Variants in TRPC5OS observed in about 807,000 individuals in gnomAD.
TRPC5OS encodes putative uncharacterized protein TRPC5OS.
For synonymous variants in TRPC5OS, 30 were observed against 29.3 expected (o/e 1.02, Z -0.08); for missense variants, 64 against 79.3 (o/e 0.81, Z 0.73).
chrX:111,891,965 T>C (rs115392837), intron 1 of TRPC5OS, among the ~76,000 whole-genome samples: 18,206 of 112,024 alleles, frequency 0.16, 2,626 homozygotes, highest in African/African-American at 0.47. Flanking sequence ...AATGTTATTT[T>C]GAAATCATTA....
At chrX:111,901,268 C>T (rs1925329210) in intron 3 of TRPC5OS, among the ~76,000 whole-genome samples, 1 of 111,193 alleles carries the variant, frequency 9.0e-6, no homozygotes. Flanking sequence ...TGAGTGTATC[C>T]TTCCTCAAAA....
intron 1 of TRPC5OS, among the ~76,000 whole-genome samples, chrX:111,879,612 G>A (rs1200971433): frequency 8.9e-6 from 1 of 112,698 alleles, no homozygotes; most frequent in African/African-American, 3.2e-5. Flanking sequence ...AATCGAGGTT[G>A]TGCAAGGCAT....
Position 111,901,631 on chromosome X carries a change from A to C in TRPC5OS, c.-219A>C, listed in dbSNP as rs951703776. The C allele has an allele frequency of 2.5e-5, 8 of 317,245 alleles. No individual in the cohort carries two copies. The highest frequency in any genetic ancestry group is 3.8e-5 in the Non-Finnish European group (7 of 183,850). 26.1% of individuals were successfully genotyped at this position (317,245 alleles called of 1,213,427 possible). A position where few individuals can be genotyped will look rare whatever the true frequency, so the allele number is the denominator to read the frequency against. ...ATTAGTACAAACAAGAGTACCATAC[A>C]TAAATTCTGTGCGCGGTTTACCAAC... On this transcript the variant is annotated 5_prime_UTR_variant, in exon 4 of 4. Coordinates refer to ENST00000635763, the MANE Select transcript of TRPC5OS (RefSeq NM_001195578.2).
chrX:111,882,984 G>A (rs183036306), intron 1 of TRPC5OS, among the ~76,000 whole-genome samples: 1 of 109,984 alleles, frequency 9.1e-6, no homozygotes, highest in African/African-American at 3.3e-5. Flanking sequence ...TACTCAGGAG[G>A]CTGAGGCAGG....
chrX:111,887,937 G>A (rs1000785638), intron 1 of TRPC5OS, among the ~76,000 whole-genome samples: 9 of 111,807 alleles, frequency 8.0e-5, no homozygotes, highest in East Asian at 2.8e-4. Context: ...AAAGTGATAC[G>A]TTTCTAAGAA....
intron 1 of TRPC5OS, among the ~76,000 whole-genome samples, chrX:111,895,114 G>T (rs780164095): frequency 4.5e-5 from 5 of 112,064 alleles, no homozygotes; most frequent in African/African-American, 1.6e-4. Flanking sequence ...CTGCCAAATA[G>T]TTTTCCAAGG....
intron 1 of TRPC5OS, among the ~76,000 whole-genome samples, chrX:111,878,175 C>T (rs1299278187): frequency 9.0e-6 from 1 of 110,638 alleles, no homozygotes; most frequent in Non-Finnish European, 1.9e-5. Context: ...TGTTCTCCCC[C>T]TTCTATAATG....
chrX:111,891,643 C>T (rs1324709365), intron 1 of TRPC5OS, among the ~76,000 whole-genome samples: 5 of 111,568 alleles, frequency 4.5e-5, no homozygotes, highest in African/African-American at 1.6e-4. Flanking sequence ...CGGGTTCAAG[C>T]GATTCTCCTG....
At chrX:111,894,271 TA>T (rs1924954718) in intron 1 of TRPC5OS, among the ~76,000 whole-genome samples, 1 of 112,031 alleles carries the variant, frequency 8.9e-6, no homozygotes, top group South Asian at 3.7e-4. Flanking sequence ...TTTTCCATCC[TA>T]CTGTTAGACA....
chrX:111,890,104 T>C (rs1924731276), intron 1 of TRPC5OS, among the ~76,000 whole-genome samples: 1 of 111,694 alleles, frequency 9.0e-6, no homozygotes, highest in Non-Finnish European at 1.9e-5. Context: ...ATTTTTAAAA[T>C]ATTGCATCTG....
At chrX:111,878,957 A>G (rs1924080881) in intron 1 of TRPC5OS, among the ~76,000 whole-genome samples, 1 of 111,876 alleles carries the variant, frequency 8.9e-6, no homozygotes, top group African/African-American at 3.3e-5. Flanking sequence ...CCATACTTGC[A>G]CTTAAACAGC....
At chrX:111,890,756 G>T (rs1371373950) in intron 1 of TRPC5OS, among the ~76,000 whole-genome samples, 1 of 111,561 alleles carries the variant, frequency 9.0e-6, no homozygotes, top group East Asian at 2.8e-4. Flanking sequence ...ACAAGTGCAG[G>T]TTTGTTACAT....
chrX:111,903,894 A>C lies in TRPC5OS; in HGVS notation c.*1709A>C, dbSNP rs777747825. 8.9e-6 allele frequency: 1 copy of C among 112,259 alleles called. No individual in the cohort carries two copies. Among genetic ancestry groups the C allele is most frequent in the South Asian group, 3.7e-4 (1 of 2,690 alleles). The allele number at this position is 112,259 out of a possible 1,213,427, so 9.3% of individuals were successfully genotyped here. ...GATTACTGCTAGTTATTATCTTATG[A>C]TTGTTTACAATCTGTATTAGCTATT... is the stretch of plus-strand genomic sequence containing the variant. On this transcript the variant is annotated 3_prime_UTR_variant, in exon 4 of 4. Coordinates refer to ENST00000635763, the MANE Select transcript of TRPC5OS (RefSeq NM_001195578.2).
intron 1 of TRPC5OS, among the ~76,000 whole-genome samples, chrX:111,882,929 T>TA (rs1651507071): frequency 9.1e-6 from 1 of 110,375 alleles, no homozygotes; most frequent in East Asian, 2.9e-4. Context: ...CTACCAAAAA[T>TA]AAAAAAATTA....
intron 1 of TRPC5OS, among the ~76,000 whole-genome samples, chrX:111,887,714 GA>G (rs1350348877): frequency 8.9e-6 from 1 of 111,806 alleles, no homozygotes; most frequent in Non-Finnish European, 1.9e-5. Context: ...GAAAGCACTA[GA>G]AACATAAAAC....
intron 1 of TRPC5OS, among the ~76,000 whole-genome samples, chrX:111,893,445 A>T (rs1439619546): frequency 8.9e-6 from 1 of 111,764 alleles, no homozygotes; most frequent in Non-Finnish European, 1.9e-5. Flanking sequence ...ATGTTTGAAC[A>T]GTGTTTTGAG....
At chrX:111,894,133 G>A (rs2148609192) in intron 1 of TRPC5OS, among the ~76,000 whole-genome samples, 1 of 111,312 alleles carries the variant, frequency 9.0e-6, no homozygotes, top group Non-Finnish European at 1.9e-5. Flanking sequence ...CCTCACCAAA[G>A]GTGCATTTTA....
At chrX:111,894,764 A>C (rs1924977929) in intron 1 of TRPC5OS, among the ~76,000 whole-genome samples, 1 of 111,521 alleles carries the variant, frequency 9.0e-6, no homozygotes, top group Admixed American at 9.5e-5. Flanking sequence ...GCATATAGTA[A>C]ATTGCGCAAA....
chrX:111,901,074 C>A (rs1925320318), intron 3 of TRPC5OS, among the ~76,000 whole-genome samples: 1 of 111,316 alleles, frequency 9.0e-6, no homozygotes, highest in Admixed American at 9.6e-5. Flanking sequence ...AGTTTTATAA[C>A]TGAAATTCTC....
Sources: gnomAD v4.1 joint callset for allele counts (sites outside exome capture counted in the v4.1 genomes callset) on GRCh38, gnomAD v4.1.1 for gene constraint, MANE v1.5 for transcripts, NCBI Gene and HGNC (gene_info 2026-07-23, HGNC 2026-07-21) for gene names.